CCDC171: variants seen among roughly 807,000 people sequenced by gnomAD.
CCDC171 encodes coiled-coil domain-containing protein 171.
CCDC171 carries 177 observed loss-of-function variants against 168.2 expected under a neutral mutation model. The observed-to-expected ratio is 1.05, with a 90% CI of 0.93 to 1.19. The LOEUF (loss-of-function observed/expected upper bound fraction) is 1.19. Ranked by LOEUF, CCDC171 falls within the 50% of genes most tolerant of loss-of-function variation. The pLI is 0.00. For synonymous variants in CCDC171, 687 were observed against 540.8 expected, an observed-to-expected ratio of 1.27 and a Z score of -3.75; for missense variants, 1,991 against 1,539.0, an observed-to-expected ratio of 1.29 and a Z score of -4.91.
intron 6 of CCDC171, among the ~76,000 whole-genome samples, chr9:15,622,418 A>G (rs973534508): frequency 3.3e-5 from 5 of 152,200 alleles, no homozygotes; most frequent in Non-Finnish European, 5.9e-5. Flanking sequence ...ATTATATTTG[A>G]TGTTTGTAAC....
At chr9:15,812,424 AC>A (rs2059395769) in intron 21 of CCDC171, among the ~76,000 whole-genome samples, 1 of 152,220 alleles carries the variant, frequency 6.6e-6, no homozygotes, top group African/African-American at 2.4e-5. Flanking sequence ...TTGAAAATCA[AC>A]TTTTTGAGTC....
intron 25 of CCDC171, among the ~76,000 whole-genome samples, chr9:15,960,529 G>A (rs989152351): frequency 6.6e-5 from 10 of 152,064 alleles, no homozygotes; most frequent in African/African-American, 2.2e-4. Flanking sequence ...ATATTATTTT[G>A]GAATTTTGTG....
chr9:16,045,097 C>T (rs1220328260), intron 1 of CCDC171, among the ~76,000 whole-genome samples: 1 of 152,164 alleles, frequency 6.6e-6, no homozygotes, highest in African/African-American at 2.4e-5. Context: ...AGTGCTTCTT[C>T]TAGTGGGTAT....
At chr9:15,861,880 T>C (rs747577611) in intron 23 of CCDC171, among the ~76,000 whole-genome samples, 11 of 152,046 alleles carry the variant, frequency 7.2e-5, no homozygotes, top group Admixed American at 2.0e-4. Flanking sequence ...CATTCTATTA[T>C]TTCTACTTGA....
chr9:15,797,683 T>C (rs746161055), intron 21 of CCDC171, among the ~76,000 whole-genome samples: 3 of 152,184 alleles, frequency 2.0e-5, no homozygotes, highest in East Asian at 1.9e-4. Context: ...AATTTTACAT[T>C]TTGATGAAGT....
chr9:15,846,419 T>G (rs1405074064), intron 21 of CCDC171, among the ~76,000 whole-genome samples: 6 of 152,162 alleles, frequency 3.9e-5, no homozygotes, highest in Non-Finnish European at 8.8e-5. Context: ...ACTTGAGATT[T>G]TTATAATCAG....
At chr9:15,924,177 C>A (rs760471867) in intron 25 of CCDC171, among the ~76,000 whole-genome samples, 6 of 151,410 alleles carry the variant, frequency 4.0e-5, no homozygotes, top group Non-Finnish European at 4.4e-5. Context: ...GGAAATGGGT[C>A]ATGTGGCCAC....
chr9:15,850,966 G>T (rs2061101403), intron 23 of CCDC171, among the ~76,000 whole-genome samples: 1 of 151,936 alleles, frequency 6.6e-6, no homozygotes, highest in African/African-American at 2.4e-5. Flanking sequence ...AAACACGTGT[G>T]TTTTCAAGGT....
chr9:15,918,011 T>C (rs1824779491), intron 24 of CCDC171, among the ~76,000 whole-genome samples: 1 of 151,730 alleles, frequency 6.6e-6, no homozygotes, highest in Non-Finnish European at 1.5e-5. Context: ...TTACCATTTT[T>C]AGAGTGCTTT....
At chr9:15,648,395 CA>C (rs1226397052) in intron 7 of CCDC171, among the ~76,000 whole-genome samples, 6 of 152,070 alleles carry the variant, frequency 3.9e-5, no homozygotes, top group Non-Finnish European at 1.5e-5. Flanking sequence ...AAGTTCTGGC[CA>C]GGGCAATCAG....
chr9:15,759,193 A>G (rs1223112697), intron 18 of CCDC171, among the ~76,000 whole-genome samples: 1 of 152,206 alleles, frequency 6.6e-6, no homozygotes, highest in African/African-American at 2.4e-5. Context: ...CATAGAGTAC[A>G]TAGGTTTATA....
At position 15,905,702 on chromosome 9, in the gene CCDC171, A is replaced by G. The variant is rs192656044; in HGVS notation, c.3601-14568A>G. ...CAGAAGTGAAGGAGATAGAGACACA[A>G]AAAACCCTTCAAAAAATCAATGAAT... On this transcript the variant is annotated intron_variant, in intron 24 of 25. Coordinates refer to ENST00000380701, the MANE Select transcript of CCDC171 (RefSeq NM_173550.4). Among the ~76,000 whole-genome samples the G allele has an allele frequency of 5.0e-3, 766 of 152,302 alleles. 4 individuals carry two copies. The highest frequency in any genetic ancestry group is 6.3e-3 in the Non-Finnish European group (429 of 68,028).
chr9:15,658,449 C>T (rs1003199855), intron 8 of CCDC171, among the ~76,000 whole-genome samples: 1 of 152,176 alleles, frequency 6.6e-6, no homozygotes, highest in Non-Finnish European at 1.5e-5. Context: ...AAGAGGGCTC[C>T]TGTGGCAGAA....
At position 15,819,520 on chromosome 9, in the gene CCDC171, A is replaced by G. The variant is rs1424781949; in HGVS notation, c.3268-27182A>G. ...ATCTACCAAGCAAATGGAAAACAAA[A>G]ATAGGCAGGGGTTGCCATCCTAATC... On this transcript the variant is annotated intron_variant, in intron 21 of 25. Coordinates refer to ENST00000380701, the MANE Select transcript of CCDC171 (RefSeq NM_173550.4). Among the ~76,000 whole-genome samples the G allele has an allele frequency of 1.7e-5, 2 of 117,288 alleles. 1 individual carries two copies. The highest frequency in any genetic ancestry group is 6.4e-5 in the African/African-American group (2 of 31,100). 76.9% of individuals were successfully genotyped at this position (117,288 alleles called of 152,430 possible).
At chr9:15,679,675 G>A (rs961422191) in intron 10 of CCDC171, among the ~76,000 whole-genome samples, 2 of 152,006 alleles carry the variant, frequency 1.3e-5, no homozygotes, top group Non-Finnish European at 1.5e-5. Flanking sequence ...TCAGCCCCCC[G>A]AGTAGCTGAG....
chr9:15,803,198 A>G (rs1251947416), intron 21 of CCDC171, among the ~76,000 whole-genome samples: 1 of 152,080 alleles, frequency 6.6e-6, no homozygotes, highest in Non-Finnish European at 1.5e-5. Context: ...AATTTCTCCC[A>G]TTCTTAGGTT....
intron 21 of CCDC171, among the ~76,000 whole-genome samples, chr9:15,792,331 C>T (rs139314359): frequency 6.6e-6 from 1 of 152,264 alleles, no homozygotes; most frequent in East Asian, 1.9e-4. Context: ...TGTGAAAAGA[C>T]CAGATCTACG....
intron 7 of CCDC171, among the ~76,000 whole-genome samples, chr9:15,639,581 A>G (rs1483072839): frequency 6.6e-6 from 1 of 152,080 alleles, no homozygotes; most frequent in Non-Finnish European, 1.5e-5. Flanking sequence ...TTTCTTGCTG[A>G]ATAAAAAAAT....
chr9:15,619,151 G>T (rs773835175), intron 6 of CCDC171, among the ~76,000 whole-genome samples: 2 of 152,046 alleles, frequency 1.3e-5, no homozygotes, highest in Non-Finnish European at 2.9e-5. Context: ...ACACAACAAT[G>T]TTGAAATGAG....
Sources: gnomAD v4.1 joint callset for allele counts (sites outside exome capture counted in the v4.1 genomes callset) on GRCh38, gnomAD v4.1.1 for gene constraint, MANE v1.5 for transcripts, NCBI Gene and HGNC (gene_info 2026-07-23, HGNC 2026-07-21) for gene names.